Variants in SNX14 observed in about 807,000 individuals in gnomAD.
SNX14 encodes the protein sorting nexin 14, also known as sorting nexin-14.
In SNX14, 93 loss-of-function variants were observed where a neutral mutation model predicts 133.8. That is an observed-to-expected ratio of 0.70 (90% confidence interval 0.59 to 0.83). SNX14 has a LOEUF of 0.83. SNX14 is among the 40% of genes least tolerant of loss of function. SNX14 has a pLI of 0.00. For synonymous variants in SNX14, 368 were observed against 365.6 expected (o/e 1.01, Z -0.07); for missense variants, 945 against 1,094.9 (o/e 0.86, Z 1.93).
rs961604480 is a variant in SNX14 at position 85,569,027 on chromosome 6, G to A, written c.418-1450C>T. Reference sequence around the variant, plus strand: ...CTTGCCCGGGCTGGAGTGCAATAGCGCAATCTTGGCTCACCTCAACCTCCA... The same window carrying A: ...CTTGCCCGGGCTGGAGTGCAATAGCACAATCTTGGCTCACCTCAACCTCCA... On this transcript the variant is annotated intron_variant, in intron 4 of 28. Coordinates refer to ENST00000314673, the MANE Select transcript of SNX14 (RefSeq NM_153816.6). 4.0e-5 allele frequency among the ~76,000 whole-genome samples: 6 copies of A among 150,980 alleles called. No individual in the cohort carries two copies. In the East Asian group the frequency reaches 5.9e-4, roughly 15 times the overall value.
At chr6:85,577,968 G>C (rs933576762) in intron 1 of SNX14, among the ~76,000 whole-genome samples, 6 of 152,188 alleles carry the variant, frequency 3.9e-5, no homozygotes, top group African/African-American at 1.4e-4. Context: ...GAGTGAGATG[G>C]AGGTGAGGAA....
At chr6:85,565,495 T>A in intron 5 of SNX14, 76 bp from the exon 6 acceptor site, 1 of 1,128,604 alleles carries the variant, frequency 8.9e-7, no homozygotes, top group Non-Finnish European at 1.3e-6. Context: ...AAGGGAAAAT[T>A]TTCCTTTTTT....
At chr6:85,561,948 A>C (rs1315881825) in intron 6 of SNX14, among the ~76,000 whole-genome samples, 2 of 151,994 alleles carry the variant, frequency 1.3e-5, no homozygotes, top group African/African-American at 4.8e-5. Context: ...TTCGTCACCC[A>C]AGTAATGAGC....
chr6:85,586,927 T>A (rs914566714), intron 1 of SNX14, among the ~76,000 whole-genome samples: 4 of 152,086 alleles, frequency 2.6e-5, no homozygotes, highest in African/African-American at 9.7e-5. Context: ...ATGCCTGTAA[T>A]CCCAGCTACC....
chr6:85,581,742 GT>G (rs1390903863), intron 1 of SNX14: 4 of 152,154 alleles, frequency 2.6e-5, no homozygotes, highest in Non-Finnish European at 5.9e-5. Flanking sequence ...AATAGTAGAA[GT>G]GATCAAGTAA....
At chr6:85,567,614 TAATTA>T in intron 4 of SNX14, 37 bp from the exon 5 acceptor site, 1 of 1,386,158 alleles carries the variant, frequency 7.2e-7, no homozygotes, top group Non-Finnish European at 9.7e-7. Context: ...AAAATAAAAT[TAATTA>T]GTTTTTGGAA....
Position 85,514,069 on chromosome 6 carries a change from C to T in SNX14, c.2557+1G>A, listed in dbSNP as rs200277996. The T allele has an allele frequency of 1.2e-6, 2 of 1,606,092 alleles. No homozygotes were observed. The highest frequency in any genetic ancestry group is 1.7e-6 in the Non-Finnish European group (2 of 1,177,680). ...AAACAAACACATTAGAAAATACAAA[C>T]CTCTGAGAAGTGTTATGAGTGAGAC... On this transcript the variant is annotated splice_donor_variant, in intron 25 of 28. Coordinates refer to ENST00000314673, the MANE Select transcript of SNX14 (RefSeq NM_153816.6). LOFTEE classifies it high-confidence loss of function.
chr6:85,525,320 A>G (rs1778189898), intron 21 of SNX14, among the ~76,000 whole-genome samples: 2 of 152,154 alleles, frequency 1.3e-5, no homozygotes, highest in African/African-American at 4.8e-5. Context: ...AAATAAGGCA[A>G]TCTACTAACT....
At position 85,565,762 on chromosome 6, in the gene SNX14, C is replaced by G. The variant is rs545828477; in HGVS notation, c.462-343G>C. On this transcript the variant is annotated intron_variant, in intron 5 of 28. Coordinates refer to ENST00000314673, the MANE Select transcript of SNX14 (RefSeq NM_153816.6). ...AAAACAATGAATAATTTTGGAGAAG[C>G]AATAGAATTAATACAAAATTTTTAA... Among the ~76,000 whole-genome samples, 17 of 151,758 alleles carry G rather than the reference C, an allele frequency of 1.1e-4. No individual in the cohort carries two copies. The South Asian group carries it at 3.3e-3, about 30-fold the overall frequency.
intron 7 of SNX14, among the ~76,000 whole-genome samples, chr6:85,553,123 A>G (rs1788374791): frequency 6.6e-6 from 1 of 152,202 alleles, no homozygotes; most frequent in Non-Finnish European, 1.5e-5. Flanking sequence ...CTTGTTAGCA[A>G]TAAATGCCTC....
intron 4 of SNX14, chr6:85,568,102 A>C (rs932832513): frequency 6.6e-6 from 1 of 152,188 alleles, no homozygotes; most frequent in Non-Finnish European, 1.5e-5. Context: ...GGAAAATCAT[A>C]AAAATTCCAC....
intron 12 of SNX14, 97 bp downstream of exon 12, chr6:85,547,015 G>A (rs1439240512): frequency 2.7e-5 from 16 of 596,352 alleles, no homozygotes; most frequent in Non-Finnish European, 3.7e-5. Context: ...TTAGTACAAT[G>A]ATAGATGGGT....
At chr6:85,550,452 TTCTC>T (rs1289156784) in intron 7 of SNX14, among the ~76,000 whole-genome samples, 2 of 152,190 alleles carry the variant, frequency 1.3e-5, no homozygotes, top group Non-Finnish European at 2.9e-5. Context: ...TGTATCTTCT[TTCTC>T]CTCTCCAAAA....
chr6:85,578,669 T>C (rs927554760), intron 1 of SNX14, among the ~76,000 whole-genome samples: 2 of 152,164 alleles, frequency 1.3e-5, no homozygotes, highest in African/African-American at 2.4e-5. Context: ...AAGCTATCTG[T>C]CTAAGCTAGA....
chr6:85,567,129 G>T (rs1180670725), intron 5 of SNX14, among the ~76,000 whole-genome samples: 2 of 152,170 alleles, frequency 1.3e-5, no homozygotes, highest in Non-Finnish European at 2.9e-5. Context: ...ACTACATTTA[G>T]GAGTGATAAG....
chr6:85,516,286 C>T (rs947283996), intron 23 of SNX14, among the ~76,000 whole-genome samples: 2 of 152,234 alleles, frequency 1.3e-5, no homozygotes, highest in East Asian at 1.9e-4. Context: ...TTAATAAACA[C>T]CTTTACATGT....
intron 1 of SNX14, among the ~76,000 whole-genome samples, chr6:85,576,647 T>A (rs2128210380): frequency 6.6e-6 from 1 of 152,322 alleles, no homozygotes; most frequent in South Asian, 2.1e-4. Context: ...GAGAAGAGAA[T>A]GATGCCAGAA....
intron 21 of SNX14, among the ~76,000 whole-genome samples, chr6:85,520,156 C>G (rs917639419): frequency 3.3e-5 from 5 of 151,174 alleles, no homozygotes; most frequent in Non-Finnish European, 1.5e-5. Flanking sequence ...AATTCTCCTG[C>G]CTAGGCCACC....
At chr6:85,588,533 C>T (rs1484552296) in intron 1 of SNX14, among the ~76,000 whole-genome samples, 2 of 151,972 alleles carry the variant, frequency 1.3e-5, no homozygotes, top group African/African-American at 2.4e-5. Flanking sequence ...GCCAAGATAG[C>T]GCCACTGCAG....
Sources: allele counts gnomAD v4.1 joint callset (sites outside exome capture counted in the v4.1 genomes callset), GRCh38; gene constraint gnomAD v4.1.1; transcripts MANE v1.5; gene names NCBI Gene and HGNC (gene_info 2026-07-23, HGNC 2026-07-21).